The following CDH18 variants were observed in gnomAD, a reference collection of about 807,000 sequenced individuals.
The protein encoded by CDH18 is cadherin-18.
A neutral mutation model predicts 67.9 loss-of-function variants in CDH18; 31 were observed. The ratio of observed to expected loss-of-function variants is 0.46; its 90% CI spans 0.34 to 0.62. CDH18 has a LOEUF of 0.62. CDH18 is among the 20% of genes least tolerant of loss of function. The pLI is 0.01. For synonymous variants in CDH18, 362 were observed against 347.2 expected, an observed-to-expected ratio of 1.04 and a Z score of -0.48; for missense variants, 890 against 975.5, an observed-to-expected ratio of 0.91 and a Z score of 1.17.
intron 11 of CDH18, among the ~76,000 whole-genome samples, chr5:19,502,019 C>T (rs1357750139): frequency 1.3e-5 from 2 of 152,100 alleles, no homozygotes; most frequent in Non-Finnish European, 2.9e-5. Flanking sequence ...TTTAAATGTT[C>T]ATATAGATCT....
At chr5:19,558,223 ACATG>A (rs1312673740) in intron 8 of CDH18, among the ~76,000 whole-genome samples, 1 of 151,640 alleles carries the variant, frequency 6.6e-6, no homozygotes, top group Admixed American at 6.6e-5. Context: ...ATCTAAGGTA[ACATG>A]TCAAGGAAGT....
intron 2 of CDH18, among the ~76,000 whole-genome samples, chr5:19,892,927 T>C (rs1788932252): frequency 6.6e-6 from 1 of 152,216 alleles, no homozygotes; most frequent in Non-Finnish European, 1.5e-5. Context: ...TTATTTAAGC[T>C]GTCAAGTTTT....
At chr5:20,068,629 T>C (rs1354593073) in intron 2 of CDH18, among the ~76,000 whole-genome samples, 1 of 152,182 alleles carries the variant, frequency 6.6e-6, no homozygotes, top group Non-Finnish European at 1.5e-5. Context: ...TGTTTATATT[T>C]AACAATTAAA....
intron 1 of CDH18, among the ~76,000 whole-genome samples, chr5:20,459,201 A>T (rs961801307): frequency 6.6e-6 from 1 of 152,194 alleles, no homozygotes; most frequent in East Asian, 1.9e-4. Flanking sequence ...CCAGTTGGTC[A>T]AGGGATCAGC....
intron 2 of CDH18, among the ~76,000 whole-genome samples, chr5:20,070,827 A>G (rs1355996567): frequency 6.6e-6 from 1 of 152,214 alleles, no homozygotes; most frequent in African/African-American, 2.4e-5. Flanking sequence ...TAACTAGAAC[A>G]TATAGAAACA....
intron 5 of CDH18, among the ~76,000 whole-genome samples, chr5:19,658,667 T>TA (rs1191631672): frequency 6.6e-6 from 1 of 151,920 alleles, no homozygotes; most frequent in Non-Finnish European, 1.5e-5. Context: ...TTTTTTTTTT[T>TA]AAATTATAAA....
At chr5:19,686,587 T>C (rs1298506205) in intron 5 of CDH18, among the ~76,000 whole-genome samples, 1 of 152,150 alleles carries the variant, frequency 6.6e-6, no homozygotes, top group Non-Finnish European at 1.5e-5. Flanking sequence ...TGGGATGCAG[T>C]TGTCTGTGTT....
At chr5:19,545,585 T>C (rs1364207677) in intron 8 of CDH18, among the ~76,000 whole-genome samples, 1 of 152,210 alleles carries the variant, frequency 6.6e-6, no homozygotes, top group Non-Finnish European at 1.5e-5. Context: ...TACTGTTATA[T>C]ATGAAATGAA....
rs571558730 is a variant in CDH18 at position 19,985,833 on chromosome 5, T to C, written c.-376+2253A>G. Among the ~76,000 whole-genome samples, 175 of 152,298 alleles carry C rather than the reference T, an allele frequency of 1.1e-3. 1 individual carries two copies. In the Middle Eastern group the frequency reaches 0.024, roughly 21 times the overall value. On this transcript the variant is annotated intron_variant, in intron 1 of 12. Transcript: ENST00000382275. ...CTTCACTAGACTTCACTGTGTCAGA[T>C]ATATGGATTCAAAAGAAGTAAGTTT...
At chr5:20,233,077 A>T (rs993785182) in intron 2 of CDH18, among the ~76,000 whole-genome samples, 2 of 151,766 alleles carry the variant, frequency 1.3e-5, no homozygotes, top group Admixed American at 1.3e-4. Flanking sequence ...AGAAACTCAG[A>T]ACATTTTCCT....
chr5:20,573,694 G>C (rs1051543594), intron 1 of CDH18, among the ~76,000 whole-genome samples: 45 of 150,272 alleles, frequency 3.0e-4, no homozygotes, highest in Non-Finnish European at 6.2e-4. Flanking sequence ...AATTCTGTCT[G>C]TGAATTTGGC....
intron 5 of CDH18, among the ~76,000 whole-genome samples, chr5:19,649,191 T>G (rs560590293): frequency 1.7e-4 from 26 of 152,310 alleles, no homozygotes; most frequent in African/African-American, 6.3e-4. Context: ...ATGCCTGTGC[T>G]CTTTAATATA....
chr5:20,486,642 A>T lies in CDH18; in HGVS notation c.-580+88820T>A, dbSNP rs563866150. Reference sequence around the variant, plus strand: ...ATTAACATGAGGAAGACTTCATTACATTCAACAGGAGCAAGTTGTTTTACC... The same window carrying T: ...ATTAACATGAGGAAGACTTCATTACTTTCAACAGGAGCAAGTTGTTTTACC... On this transcript the variant is annotated intron_variant, in intron 1 of 14. Transcript: ENST00000507958. 3.7e-5 allele frequency among the ~76,000 whole-genome samples: 5 copies of T among 136,000 alleles called. No homozygotes were observed. In the East Asian group the frequency reaches 1.1e-3, roughly 30 times the overall value. The allele number at this position is 136,000 out of a possible 152,430, so 89.2% of individuals were successfully genotyped here. A position where few individuals can be genotyped will look rare whatever the true frequency, so the allele number is the denominator to read the frequency against.
chr5:20,328,381 C>T (rs1288440125), intron 1 of CDH18, among the ~76,000 whole-genome samples: 5 of 151,772 alleles, frequency 3.3e-5, no homozygotes, highest in Non-Finnish European at 5.9e-5. Flanking sequence ...CCTGCTGGAT[C>T]TAATCATGTT....
At chr5:20,487,478 A>T (rs534414330) in intron 1 of CDH18, among the ~76,000 whole-genome samples, 1 of 150,724 alleles carries the variant, frequency 6.6e-6, no homozygotes, top group Non-Finnish European at 1.5e-5. Flanking sequence ...GTGATGAGAA[A>T]TTTAATTATT....
chr5:20,111,875 C>T (rs532729397), intron 2 of CDH18, among the ~76,000 whole-genome samples: 1 of 152,196 alleles, frequency 6.6e-6, no homozygotes, highest in East Asian at 1.9e-4. Context: ...TAACTACTTA[C>T]AATATAATTA....
intron 2 of CDH18, among the ~76,000 whole-genome samples, chr5:20,155,862 T>G (rs187160026): frequency 1.3e-5 from 2 of 152,270 alleles, no homozygotes; most frequent in Admixed American, 1.3e-4. Flanking sequence ...TTTGTTGATT[T>G]TGTCAAAGAT....
intron 2 of CDH18, among the ~76,000 whole-genome samples, chr5:20,173,238 A>T (rs974865676): frequency 2.6e-5 from 4 of 152,194 alleles, no homozygotes; most frequent in African/African-American, 9.6e-5. Context: ...TACATGCATA[A>T]TAACAGATTG....
intron 1 of CDH18, among the ~76,000 whole-genome samples, chr5:20,398,810 T>C (rs1354730993): frequency 1.4e-5 from 2 of 145,876 alleles, no homozygotes; most frequent in African/African-American, 5.1e-5. Flanking sequence ...CACGTATACC[T>C]ACGTAGAAAA....
Sources: gnomAD v4.1 joint callset for allele counts (sites outside exome capture counted in the v4.1 genomes callset) on GRCh38, gnomAD v4.1.1 for gene constraint, MANE v1.5 for transcripts, NCBI Gene and HGNC (gene_info 2026-07-23, HGNC 2026-07-21) for gene names.